Variants in C7orf78 observed in about 807,000 individuals in gnomAD.
C7orf78 encodes chromosome 7 open reading frame 78.
the C7orf78 span, among the ~76,000 whole-genome samples, chr7:12,540,719 G>T: frequency 6.6e-6 from 1 of 152,160 alleles, no homozygotes; most frequent in Non-Finnish European, 1.5e-5. Context: ...TTGTAGTCAT[G>T]TTCAACCATT....
chr7:12,526,750 A>T, the C7orf78 span, among the ~76,000 whole-genome samples: 1 of 151,908 alleles, frequency 6.6e-6, no homozygotes, highest in South Asian at 2.1e-4. Context: ...AGAAAATGCC[A>T]TCTAGCTGTG....
the C7orf78 span, among the ~76,000 whole-genome samples, chr7:12,524,642 A>C: frequency 7.2e-5 from 11 of 152,090 alleles, no homozygotes; most frequent in African/African-American, 2.7e-4. Flanking sequence ...CAGGAGTTCG[A>C]GACCAGCCTA....
At chr7:12,512,822 A>T in the C7orf78 span, among the ~76,000 whole-genome samples, 1 of 152,104 alleles carries the variant, frequency 6.6e-6, no homozygotes, top group African/African-American at 2.4e-5. Context: ...TTCTTTGCTG[A>T]GAGCCTTCTT....
the C7orf78 span, chr7:12,528,775 A>G: frequency 2.5e-6 from 1 of 394,394 alleles, no homozygotes; most frequent in Admixed American, 4.4e-5. Flanking sequence ...GTTTAGATTT[A>G]CATCTATAAA....
the C7orf78 span, among the ~76,000 whole-genome samples, chr7:12,501,768 T>G: frequency 6.8e-6 from 1 of 146,486 alleles, no homozygotes; most frequent in African/African-American, 2.5e-5. Flanking sequence ...GAGCCCACAT[T>G]GCCAAGTCAA....
At chr7:12,523,460 G>A in the C7orf78 span, 1 of 397,796 alleles carries the variant, frequency 2.5e-6, no homozygotes, top group East Asian at 3.6e-5. Flanking sequence ...AACTATTTAA[G>A]ATAGATAAGG....
the C7orf78 span, among the ~76,000 whole-genome samples, chr7:12,494,634 C>CT: frequency 0.84 from 127,843 of 152,160 alleles, 54,110 homozygotes; most frequent in African/African-American, 0.95. Context: ...GTAAACAAAT[C>CT]ACTGTGAATT....
At chr7:12,502,455 T>G in the C7orf78 span, among the ~76,000 whole-genome samples, 1 of 151,658 alleles carries the variant, frequency 6.6e-6, no homozygotes, top group African/African-American at 2.4e-5. Context: ...AAGAAGACAT[T>G]TATGCAGCCA....
the C7orf78 span, among the ~76,000 whole-genome samples, chr7:12,503,233 T>TAATTAATAAATAAATAAATA: frequency 7.4e-6 from 1 of 135,610 alleles, no homozygotes; most frequent in South Asian, 2.5e-4. Context: ...TAAAGTATAA[T>TAATTAATAAATAAATAAATA]AATAAACAAA....
chr7:12,498,842 G>A, the C7orf78 span, among the ~76,000 whole-genome samples: 1 of 150,836 alleles, frequency 6.6e-6, no homozygotes, highest in Non-Finnish European at 1.5e-5. Flanking sequence ...GAGAAAGGTC[G>A]GGTTACCCTC....
chr7:12,507,512 A>G, the C7orf78 span: 3 of 199,178 alleles, frequency 1.5e-5, no homozygotes, highest in East Asian at 2.3e-4. Context: ...TGTAGAGAGC[A>G]CTTGAGAAGT....
chr7:12,490,107 A>G, the C7orf78 span, among the ~76,000 whole-genome samples: 1 of 152,132 alleles, frequency 6.6e-6, no homozygotes, highest in Non-Finnish European at 1.5e-5. Flanking sequence ...TAATAATATT[A>G]ATAGCTAACA....
chr7:12,525,818 A>G, the C7orf78 span: 6 of 396,926 alleles, frequency 1.5e-5, no homozygotes, highest in African/African-American at 1.0e-4. Context: ...TTACATATCT[A>G]GTACCAACCT....
At chr7:12,541,012 C>T in the C7orf78 span, 1 of 152,314 alleles carries the variant, frequency 6.6e-6, no homozygotes, top group South Asian at 2.1e-4. Flanking sequence ...TTGATGAATT[C>T]TGGCACCTTC....
chr7:12,506,751 T>C, the C7orf78 span: 11 of 310,046 alleles, frequency 3.5e-5, no homozygotes, highest in African/African-American at 2.0e-4. Flanking sequence ...GTAACAAACC[T>C]GCACATTGTG....
the C7orf78 span, chr7:12,523,556 T>A: frequency 2.5e-6 from 1 of 393,666 alleles, no homozygotes; most frequent in Non-Finnish European, 4.5e-6. Flanking sequence ...ATGTGTATAA[T>A]GCTGCCTTTT....
chr7:12,500,662 T>C, the C7orf78 span, among the ~76,000 whole-genome samples: 3 of 152,018 alleles, frequency 2.0e-5, no homozygotes, highest in Non-Finnish European at 4.4e-5. Context: ...CAAGGAGGAA[T>C]TGGTACAATT....
chr7:12,524,445 G>C, the C7orf78 span, among the ~76,000 whole-genome samples: 1 of 152,112 alleles, frequency 6.6e-6, no homozygotes. Context: ...TTACCTTTTA[G>C]AGATGAGGGA....
At chr7:12,530,624 G>A in the C7orf78 span, 1 of 153,504 alleles carries the variant, frequency 6.5e-6, no homozygotes, top group Non-Finnish European at 1.4e-5. Flanking sequence ...CCTCACTCAT[G>A]AAGGGGGTCC....
Sources: allele counts gnomAD v4.1 joint callset (sites outside exome capture counted in the v4.1 genomes callset), GRCh38; gene constraint gnomAD v4.1.1; transcripts MANE v1.5; gene names NCBI Gene and HGNC (gene_info 2026-07-23, HGNC 2026-07-21).